GGNBP2: variants seen among roughly 807,000 people sequenced by gnomAD.
GGNBP2 encodes gametogenetin-binding protein 2.
Under a neutral mutation model 85.9 loss-of-function variants are expected in GGNBP2, and 10 were observed. The observed-to-expected ratio is 0.12, with a 90% CI of 0.07 to 0.20. The LOEUF (loss-of-function observed/expected upper bound fraction) is 0.20, where lower values mean the gene tolerates loss of function less well. Among genes scored for constraint, GGNBP2 ranks in the 10% least tolerant of loss-of-function variants. The pLI is 1.00. For synonymous variants in GGNBP2, 287 were observed against 285.7 expected (o/e 1.00, Z -0.05); for missense variants, 595 against 857.8 (o/e 0.69, Z 3.83).
rs112240274 is a variant in GGNBP2 at position 36,565,853 on chromosome 17, A to G, written c.528-1810A>G. ...GGAGGTTGCAGTGAGCCGAGATCAC[A>G]CCACTGCACTCCAGCTTGGGCGACA... On this transcript the variant is annotated intron_variant, in intron 5 of 13. Coordinates refer to ENST00000613102, the MANE Select transcript of GGNBP2 (RefSeq NM_024835.5). Among the ~76,000 whole-genome samples the G allele has an allele frequency of 4.4e-3, 673 of 152,222 alleles. 8 individuals are homozygous for G. Among genetic ancestry groups the G allele is most frequent in the African/African-American group, 0.016 (660 of 41,542 alleles).
chr17:36,589,462 G>T lies in GGNBP2; in HGVS notation c.*51G>T, dbSNP rs377416696. 7.2e-7 allele frequency: 1 copy of T among 1,387,882 alleles called. No homozygotes were observed. Among genetic ancestry groups the T allele is most frequent in the Non-Finnish European group, 1.0e-6 (1 of 994,054 alleles). 86.0% of individuals were successfully genotyped at this position (1,387,882 alleles called of 1,614,324 possible). On this transcript the variant is annotated 3_prime_UTR_variant, in exon 14 of 14. Coordinates refer to ENST00000613102, the MANE Select transcript of GGNBP2 (RefSeq NM_024835.5). The stretch of plus-strand genomic sequence containing the variant: ...ATGAAACACTCACGATGACTACTGC[G>T]CCTTCTCTTTCGAAAAACTCTTAAT...
intron 6 of GGNBP2, chr17:36,576,677 A>G (rs188298743): frequency 2.1e-5 from 3 of 143,888 alleles, no homozygotes; most frequent in Non-Finnish European, 4.5e-5. Flanking sequence ...ATGTGTATAT[A>G]TATATATATA....
intron 2 of GGNBP2, among the ~76,000 whole-genome samples, chr17:36,552,047 T>C (rs2074314113): frequency 6.6e-6 from 1 of 152,212 alleles, no homozygotes; most frequent in Admixed American, 6.5e-5. Context: ...TTAAACAGTA[T>C]AGATAATTGT....
At chr17:36,586,248 C>G (rs779197033) in intron 12 of GGNBP2, 50 bp downstream of exon 12, 1 of 1,569,436 alleles carries the variant, frequency 6.4e-7, no homozygotes, top group Non-Finnish European at 8.6e-7. Context: ...GAGGACAGAA[C>G]ACGTGTTTTC....
chr17:36,570,842 G>A (rs1205765113), intron 6 of GGNBP2, among the ~76,000 whole-genome samples: 3 of 152,002 alleles, frequency 2.0e-5, no homozygotes, highest in African/African-American at 7.2e-5. Flanking sequence ...CCAACATGGT[G>A]AAACCCCTCT....
intron 6 of GGNBP2, among the ~76,000 whole-genome samples, chr17:36,575,635 TATATATATA>T (rs1441488616): frequency 0.045 from 2,434 of 53,668 alleles, 48 homozygotes; most frequent in Middle Eastern, 0.056. Context: ...TATATATATA[TATATATATA>T]TATATTTTTT....
intron 9 of GGNBP2, 55 bp downstream of exon 9, chr17:36,581,593 G>A (rs973499807): frequency 1.3e-5 from 17 of 1,341,498 alleles, no homozygotes; most frequent in Admixed American, 2.0e-5. Flanking sequence ...GTAGATAGAA[G>A]TACAGGCCAG....
intron 4 of GGNBP2, 60 bp from the exon 5 acceptor site, chr17:36,560,713 A>G (rs1165310164): frequency 3.1e-6 from 3 of 978,448 alleles, no homozygotes; most frequent in Non-Finnish European, 3.1e-6. Flanking sequence ...CAGTAAATAG[A>G]GATTTTAAAA....
In GGNBP2 at chr17:36,567,623, C is replaced by G. The variant is rs374396971; in HGVS notation, c.528-40C>G. The G allele has an allele frequency of 8.5e-5, 90 of 1,059,988 alleles. No homozygotes were observed. In the African/African-American group the frequency reaches 9.8e-4, roughly 12 times the overall value. 65.7% of individuals were successfully genotyped at this position (1,059,988 alleles called of 1,614,324 possible). A position where few individuals can be genotyped will look rare whatever the true frequency, so the allele number is the denominator to read the frequency against. On this transcript the variant is annotated intron_variant, in intron 5 of 13. Coordinates refer to ENST00000613102, the MANE Select transcript of GGNBP2 (RefSeq NM_024835.5). ...TTTGTTTTTTTAAGGTTTTACCCTT[C>G]TGTATTCTCCCTTTTCACTAATATT...
rs2074609792 is a variant in GGNBP2 at position 36,578,121 on chromosome 17, T to C, written c.780T>C (p.His260=). The part of the protein sequence containing the change: ...LRCCPHERHI[H]VCCETDFIAH... ...GCTGTCCACATGAACGACACATACA[T>C]GTTTGCTGTGAAACAGACTTCATTG... The change falls in exon 7 of 14, where the codon CAT becomes CAC. Residue 260 remains histidine (H), a synonymous_variant. Transcript: ENST00000613102. 3 of 1,614,130 alleles carry C rather than the reference T, an allele frequency of 1.9e-6. No homozygotes were observed. Among genetic ancestry groups the C allele is most frequent in the Non-Finnish European group, 8.5e-7 (1 of 1,179,944 alleles).
chr17:36,564,161 G>C (rs991467513), intron 5 of GGNBP2, among the ~76,000 whole-genome samples: 5 of 152,178 alleles, frequency 3.3e-5, no homozygotes, highest in Admixed American at 1.3e-4. Context: ...CAGAGTACAG[G>C]CTAATTTTTC....
Position 36,589,174 on chromosome 17 carries a change from A to C in GGNBP2, c.1891-34A>C, listed in dbSNP as rs549823755. The C allele has an allele frequency of 1.2e-4, 181 of 1,489,290 alleles. 3 individuals carry two copies. The South Asian group carries it at 1.8e-3, about 15-fold the overall frequency. 92.3% of individuals were successfully genotyped at this position (1,489,290 alleles called of 1,614,324 possible). On this transcript the variant is annotated intron_variant, in intron 13 of 13. Transcript: ENST00000613102. ...CCATTACATAACATTTTGCATTCTT[A>C]AGTCATAGTCTTAACTACTGCTTTA...
At chr17:36,571,046 C>T (rs1037253562) in intron 6 of GGNBP2, among the ~76,000 whole-genome samples, 1 of 152,046 alleles carries the variant, frequency 6.6e-6, no homozygotes, top group Non-Finnish European at 1.5e-5. Context: ...GGTAGAACAT[C>T]GGCAGATACT....
chr17:36,576,752 G>T (rs2074595519), intron 6 of GGNBP2: 1 of 150,046 alleles, frequency 6.7e-6, no homozygotes, highest in African/African-American at 2.5e-5. Flanking sequence ...AAACAAGAAA[G>T]AATGAATACT....
At chr17:36,556,495 A>G (rs1240850236) in intron 3 of GGNBP2, among the ~76,000 whole-genome samples, 1 of 152,102 alleles carries the variant, frequency 6.6e-6, no homozygotes, top group African/African-American at 2.4e-5. Context: ...CACAAGGTCA[A>G]AAGATCAAGA....
At chr17:36,552,696 C>A (rs2074321950) in intron 2 of GGNBP2, among the ~76,000 whole-genome samples, 1 of 152,088 alleles carries the variant, frequency 6.6e-6, no homozygotes, top group South Asian at 2.1e-4. Context: ...CATCTGTATG[C>A]ATGGAAGAAA....
At chr17:36,554,727 C>T in intron 2 of GGNBP2, 93 bp from the exon 3 acceptor site, 1 of 856,232 alleles carries the variant, frequency 1.2e-6, no homozygotes, top group Admixed American at 1.8e-5. Flanking sequence ...GGGTGCAAAT[C>T]TGGCTTTCAC....
At chr17:36,560,725 T>C in intron 4 of GGNBP2, 48 bp from the exon 5 acceptor site, 1 of 1,108,236 alleles carries the variant, frequency 9.0e-7, no homozygotes, top group Admixed American at 2.4e-5. Flanking sequence ...ATTTTAAAAT[T>C]TGAAAGTAAA....
chr17:36,558,762 T>TG (rs550980917), intron 4 of GGNBP2, among the ~76,000 whole-genome samples: 5 of 61,978 alleles, frequency 8.1e-5, no homozygotes, highest in Non-Finnish European at 1.5e-4. Flanking sequence ...GGCTGAGGTC[T>TG]TTTTTTTTTT....
Sources: allele counts gnomAD v4.1 joint callset (sites outside exome capture counted in the v4.1 genomes callset), GRCh38; gene constraint gnomAD v4.1.1; transcripts MANE v1.5; gene names NCBI Gene and HGNC (gene_info 2026-07-23, HGNC 2026-07-21).